The following PTPRT variants were observed in gnomAD, a reference collection of about 807,000 sequenced individuals.
PTPRT encodes the protein receptor-type tyrosine-protein phosphatase T.
In PTPRT, 56 loss-of-function variants were observed where a neutral mutation model predicts 176.8. The observed-to-expected ratio is 0.32, with a 90% CI of 0.26 to 0.40. The LOEUF (loss-of-function observed/expected upper bound fraction) is 0.40, where lower values mean the gene tolerates loss of function less well. PTPRT is among the 10% of genes least tolerant of loss of function. The pLI is 1.00. For synonymous variants in PTPRT, 783 were observed against 739.0 expected (o/e 1.06, Z -0.96); for missense variants, 1,540 against 1,908.2 (o/e 0.81, Z 3.60).
At chr20:43,185,595 T>C (rs1011773349) in intron 1 of PTPRT, among the ~76,000 whole-genome samples, 2 of 152,188 alleles carry the variant, frequency 1.3e-5, no homozygotes, top group African/African-American at 4.8e-5. Flanking sequence ...TGGCAATCTC[T>C]TTGTAAAAGC....
intron 7 of PTPRT, among the ~76,000 whole-genome samples, chr20:42,660,119 T>C (rs575794935): frequency 1.5e-4 from 23 of 152,298 alleles, no homozygotes; most frequent in Non-Finnish European, 1.9e-4. Context: ...TCTAGGAAGA[T>C]TGTACTGTAA....
intron 1 of PTPRT, among the ~76,000 whole-genome samples, chr20:43,130,502 A>G (rs2013611574): frequency 6.6e-6 from 1 of 152,188 alleles, no homozygotes; most frequent in Non-Finnish European, 1.5e-5. Flanking sequence ...ACACTCACGA[A>G]CAATGCAATT....
intron 1 of PTPRT, among the ~76,000 whole-genome samples, chr20:43,078,655 C>T (rs944980946): frequency 2.0e-5 from 3 of 152,182 alleles, no homozygotes; most frequent in South Asian, 4.1e-4. Flanking sequence ...CAAACAAACG[C>T]TTTCCACTTA....
intron 29 of PTPRT, among the ~76,000 whole-genome samples, chr20:42,083,658 TTC>T (rs1355963042): frequency 1.3e-5 from 2 of 152,202 alleles, no homozygotes; most frequent in Admixed American, 6.5e-5. Flanking sequence ...CTGACCTCAA[TTC>T]TGAGGTCAGT....
At chr20:42,870,954 CT>C (rs61532865) in intron 2 of PTPRT, among the ~76,000 whole-genome samples, 5,970 of 140,210 alleles carry the variant, frequency 0.043, 260 homozygotes, top group African/African-American at 0.12. Flanking sequence ...ATTTTCTTTT[CT>C]TTTTTTTTTT....
At chr20:42,223,134 C>T (rs928630166) in intron 15 of PTPRT, among the ~76,000 whole-genome samples, 6 of 152,150 alleles carry the variant, frequency 3.9e-5, no homozygotes, top group African/African-American at 1.4e-4. Flanking sequence ...CTTGACACAA[C>T]ACTTACGTGA....
chr20:43,059,048 T>C (rs950581551), intron 1 of PTPRT, among the ~76,000 whole-genome samples: 6 of 152,180 alleles, frequency 3.9e-5, no homozygotes, highest in African/African-American at 1.4e-4. Context: ...TTGAAACCAG[T>C]CTGCACCCTG....
At chr20:42,966,774 T>G (rs1220008154) in intron 1 of PTPRT, among the ~76,000 whole-genome samples, 1 of 152,240 alleles carries the variant, frequency 6.6e-6, no homozygotes, top group Non-Finnish European at 1.5e-5. Context: ...CATTCCATTG[T>G]ACGTGATCAT....
intron 7 of PTPRT, among the ~76,000 whole-genome samples, chr20:42,572,829 C>T (rs931148752): frequency 5.3e-5 from 8 of 152,174 alleles, no homozygotes; most frequent in East Asian, 1.9e-4. Context: ...TCTGCCTTCT[C>T]GGGCATCCCA....
chr20:42,226,919 T>C (rs1025412741), intron 15 of PTPRT, among the ~76,000 whole-genome samples: 2 of 152,098 alleles, frequency 1.3e-5, no homozygotes, highest in African/African-American at 2.4e-5. Context: ...GAATGAATGA[T>C]CGCCCAAGGA....
intron 1 of PTPRT, among the ~76,000 whole-genome samples, chr20:43,025,499 C>T (rs1985874123): frequency 6.6e-6 from 1 of 152,210 alleles, no homozygotes; most frequent in Non-Finnish European, 1.5e-5. Context: ...GACACGTTCT[C>T]AACATCTAGC....
intron 1 of PTPRT, among the ~76,000 whole-genome samples, chr20:43,036,810 A>C (rs1426536972): frequency 2.6e-5 from 4 of 152,246 alleles, no homozygotes; most frequent in Non-Finnish European, 5.9e-5. Context: ...TTCAAACAAA[A>C]ATACATACCT....
rs769466071 is a variant in PTPRT at position 43,040,681 on chromosome 20, G to A, written c.88+148965C>T. Among the ~76,000 whole-genome samples the A allele has an allele frequency of 1.1e-4, 16 of 152,270 alleles. No individual in the cohort carries two copies. In the East Asian group the frequency reaches 1.4e-3, roughly 13 times the overall value. On this transcript the variant is annotated intron_variant, in intron 1 of 30. Transcript: ENST00000373187. ...AGAAGAGGACCAAAGAGGAAGCGCCGGTTTGTCTCTTCTTTCCTTGCCAAC... is the reference window on the plus strand; with the variant it reads ...AGAAGAGGACCAAAGAGGAAGCGCCAGTTTGTCTCTTCTTTCCTTGCCAAC...
Position 42,074,196 on chromosome 20 carries a change from C to T in PTPRT, c.*6683G>A, listed in dbSNP as rs1048763975. On this transcript the variant is annotated 3_prime_UTR_variant, in exon 31 of 31. Transcript: ENST00000373187. ...GGCCTTTGACCCAAAGAACACCTGA[C>T]ATTATTCATCTTCCATGGGAGATAC... 1 of 227,770 alleles carries T rather than the reference C, an allele frequency of 4.4e-6. No individual in the cohort carries two copies. Among genetic ancestry groups the T allele is most frequent in the Admixed American group, 5.7e-5 (1 of 17,586 alleles). 14.1% of individuals were successfully genotyped at this position (227,770 alleles called of 1,614,324 possible).
At chr20:42,795,438 C>T (rs1443071692) in intron 2 of PTPRT, among the ~76,000 whole-genome samples, 1 of 152,214 alleles carries the variant, frequency 6.6e-6, no homozygotes. Flanking sequence ...TGTGTTTACA[C>T]ATGAGCACCT....
At chr20:42,211,042 G>A (rs1392253446) in intron 15 of PTPRT, among the ~76,000 whole-genome samples, 2 of 152,082 alleles carry the variant, frequency 1.3e-5, no homozygotes, top group Non-Finnish European at 2.9e-5. Flanking sequence ...ACAAGCAATG[G>A]GGAAAGGATT....
intron 1 of PTPRT, among the ~76,000 whole-genome samples, chr20:42,916,049 G>A (rs1368134947): frequency 6.6e-6 from 1 of 151,868 alleles, no homozygotes; most frequent in African/African-American, 2.4e-5. Flanking sequence ...GTGCCATGTT[G>A]GTGTGCTGTA....
intron 1 of PTPRT, among the ~76,000 whole-genome samples, chr20:42,926,747 G>C (rs1030537701): frequency 3.9e-5 from 6 of 152,160 alleles, no homozygotes; most frequent in Non-Finnish European, 7.3e-5. Context: ...CAATACAGAG[G>C]AAATCATATT....
rs1311915259 is a variant in PTPRT, at chr20:42,086,741, A to ATATATAT, written c.3847-889_3847-888insATATATA. On this transcript the variant is annotated intron_variant, in intron 27 of 30. Transcript: ENST00000373187. ...GACTCCATCTCAAAAAAAAAAAAAA[A>ATATATAT]AAAAAAAAAAAAATATATATATATA... Among the ~76,000 whole-genome samples, 4 of 37,970 alleles carry ATATATAT rather than the reference A, an allele frequency of 1.1e-4. 1 individual carries two copies. The highest frequency in any genetic ancestry group is 2.2e-4 in the African/African-American group (2 of 9,006). The allele number at this position is 37,970 out of a possible 152,430, so 24.9% of individuals were successfully genotyped here. A position where few individuals can be genotyped will look rare whatever the true frequency, so the allele number is the denominator to read the frequency against.
Sources: gnomAD v4.1 joint callset for allele counts (sites outside exome capture counted in the v4.1 genomes callset) on GRCh38, gnomAD v4.1.1 for gene constraint, MANE v1.5 for transcripts, NCBI Gene and HGNC (gene_info 2026-07-23, HGNC 2026-07-21) for gene names.